The following BCAR1 variants were observed in gnomAD, a reference collection of about 807,000 sequenced individuals.
BCAR1 encodes BCAR1 scaffold protein, Cas family member.
A neutral mutation model predicts 67.6 loss-of-function variants in BCAR1; 30 were observed. The ratio of observed to expected loss-of-function variants is 0.44; its 90% CI spans 0.33 to 0.60. The LOEUF is 0.60. BCAR1 is among the 20% of genes least tolerant of loss of function. The pLI is 0.02. For missense variants in BCAR1, 1,313 were observed against 1,222.3 expected, an observed-to-expected ratio of 1.07 and a Z score of -1.11; for synonymous variants, 626 against 556.7, an observed-to-expected ratio of 1.12 and a Z score of -1.75.
rs747179179 is a variant in BCAR1, at chr16:75,235,039, G to C, written c.1860C>G (p.Thr620=). The C allele has an allele frequency of 6.2e-7, 1 of 1,613,292 alleles. No homozygotes were observed. The highest frequency in any genetic ancestry group is 1.3e-5 in the African/African-American group (1 of 75,068). Residue 620 remains threonine, a synonymous_variant, in exon 5 of 7, where the codon ACC becomes ACG. Coordinates refer to ENST00000162330, the MANE Select transcript of BCAR1 (RefSeq NM_014567.5). Reference sequence around the variant, plus strand: ...TCTTGTCAGTGGGGTTGGGGTGCAGGGTGCCACCCCCCTCAGGCCCCGGGG... The same window carrying C: ...TCTTGTCAGTGGGGTTGGGGTGCAGCGTGCCACCCCCCTCAGGCCCCGGGG... ...ATAPGPEGGG[T]LHPNPTDKTS...
In BCAR1 at chr16:75,263,960, G is replaced by A. The variant is rs1421134006; in HGVS notation, c.66+3955C>T. 3.5e-6 allele frequency: 4 copies of A among 1,139,632 alleles called. No individual in the cohort carries two copies. The South Asian group carries it at 1.3e-4, about 37-fold the overall frequency. The allele number at this position is 1,139,632 out of a possible 1,614,324, so 70.6% of individuals were successfully genotyped here. A position where few individuals can be genotyped will look rare whatever the true frequency, so the allele number is the denominator to read the frequency against. ...CCAGGAGAGAGAGCCACGGTGATCT[G>A]CCAGCCAGCCACGTAGGGGGCAGAT... On this transcript the variant is annotated intron_variant, in intron 1 of 6. Coordinates refer to the BCAR1 transcript ENST00000393422.
chr16:75,253,966 C>A (rs569117526), upstream of BCAR1, among the ~76,000 whole-genome samples: 493 of 120,884 alleles, frequency 4.1e-3, 2 homozygotes, highest in African/African-American at 0.015. Context: ...CACCGTTAGC[C>A]CCAATTTTTT....
intron 6 of BCAR1, among the ~76,000 whole-genome samples, chr16:75,232,673 T>C (rs1322874760): frequency 6.6e-6 from 1 of 152,198 alleles, no homozygotes; most frequent in African/African-American, 2.4e-5. Context: ...ATTAGGTAAT[T>C]TCTCAGCCCC....
At chr16:75,247,405 G>A (rs544340142) in intron 1 of BCAR1, 1 of 153,526 alleles carries the variant, frequency 6.5e-6, no homozygotes, top group African/African-American at 2.4e-5. Context: ...GTGTCCCCGG[G>A]GCCCGCCTGG....
rs983581971 is a variant in BCAR1 at position 75,229,407 on chromosome 16, T to G, written c.*104A>C. 1.1e-5 allele frequency: 16 copies of G among 1,401,232 alleles called. No individual in the cohort carries two copies. In the African/African-American group the frequency reaches 1.3e-4, roughly 11 times the overall value. The allele number at this position is 1,401,232 out of a possible 1,614,324, so 86.8% of individuals were successfully genotyped here. On this transcript the variant is annotated 3_prime_UTR_variant, in exon 7 of 7. Transcript: ENST00000162330. ...CAGGGCACCAGGACCGACGCAGAGC[T>G]GGGGTCCTGTCCCTAAGCCTGTGGC...
At chr16:75,230,230 C>T (rs992364300) in intron 6 of BCAR1, among the ~76,000 whole-genome samples, 1 of 152,192 alleles carries the variant, frequency 6.6e-6, no homozygotes, top group Non-Finnish European at 1.5e-5. Context: ...TACCCTTCCA[C>T]CAGTCTCAAA....
At position 75,234,977 on chromosome 16, in the gene BCAR1, G is replaced by C; in HGVS notation, c.1922C>G (p.Pro641Arg). 1 of 1,604,658 alleles carries C rather than the reference G, an allele frequency of 6.2e-7. No homozygotes were observed. Residue 641 changes from proline to arginine, a missense_variant, in exon 5 of 7, where the codon CCT becomes CGT. Coordinates refer to ENST00000162330, the MANE Select transcript of BCAR1 (RefSeq NM_014567.5). ...TGGCGAGTCCTGGGAGGTGAACTTAGGGGGTGAGGGCAGGGGTCGTGACTG... is the reference window on the plus strand; with the variant it reads ...TGGCGAGTCCTGGGAGGTGAACTTACGGGGTGAGGGCAGGGGTCGTGACTG... ...SIQSRPLPSP[P>R]KFTSQDSPDG...
At chr16:75,255,179 T>C (rs1446876099), upstream of BCAR1, among the ~76,000 whole-genome samples, 12 of 151,972 alleles carry the variant, frequency 7.9e-5, no homozygotes, top group Admixed American at 1.3e-4. Context: ...CAAACTAAAG[T>C]GAAAAGAGCA....
intron 1 of BCAR1, chr16:75,264,992 C>G (rs1042010336): frequency 2.0e-5 from 3 of 153,118 alleles, no homozygotes; most frequent in Middle Eastern, 3.4e-3. Flanking sequence ...GGCCTGGTTA[C>G]CCGGGGTAGC....
upstream of BCAR1, among the ~76,000 whole-genome samples, chr16:75,252,925 A>G (rs1264141296): frequency 1.3e-5 from 2 of 152,238 alleles, no homozygotes; most frequent in Non-Finnish European, 2.9e-5. Context: ...GTTAAAAAAC[A>G]GACTCCTGTG....
Position 75,237,973 on chromosome 16 carries a change from C to A in BCAR1, c.634-629G>T, listed in dbSNP as rs896465841. On this transcript the variant is annotated intron_variant, in intron 2 of 6. Transcript: ENST00000162330. ...AGCTGGGACCAAGGCCCCCTCCCTG[C>A]CGCGCCTGCCCCGGGGGAGCTGCCT... is the stretch of plus-strand genomic sequence containing the variant. The A allele has an allele frequency of 3.5e-5, 42 of 1,212,900 alleles. No individual in the cohort carries two copies. The East Asian group carries it at 2.4e-3, about 69-fold the overall frequency. The allele number at this position is 1,212,900 out of a possible 1,614,324, so 75.1% of individuals were successfully genotyped here.
At chr16:75,257,476 A>G (rs976644566) in intron 1 of BCAR1, among the ~76,000 whole-genome samples, 3 of 151,824 alleles carry the variant, frequency 2.0e-5, no homozygotes, top group African/African-American at 7.3e-5. Context: ...TTCTTTTTTT[A>G]AAGACAAGGT....
At chr16:75,260,645 A>C (rs549768084) in intron 1 of BCAR1, among the ~76,000 whole-genome samples, 33 of 152,284 alleles carry the variant, frequency 2.2e-4, no homozygotes, top group African/African-American at 7.9e-4. Flanking sequence ...AAAAAAAAAA[A>C]AAAAACCTCA....
At chr16:75,259,861 A>AT (rs1275176540) in intron 1 of BCAR1, among the ~76,000 whole-genome samples, 1 of 146,498 alleles carries the variant, frequency 6.8e-6, no homozygotes, top group African/African-American at 2.6e-5. Context: ...AAAAAAAAAA[A>AT]AAAAAAAAAA....
At position 75,229,399 on chromosome 16, in the gene BCAR1, C is replaced by A. The variant is rs918316135; in HGVS notation, c.*112G>T. The A allele has an allele frequency of 3.6e-6, 5 of 1,384,000 alleles. No homozygotes were observed. In the African/African-American group the frequency reaches 7.3e-5, roughly 20 times the overall value. The allele number at this position is 1,384,000 out of a possible 1,614,324, so 85.7% of individuals were successfully genotyped here. A position where few individuals can be genotyped will look rare whatever the true frequency, so the allele number is the denominator to read the frequency against. ...TGGGCATCCAGGGCACCAGGACCGACGCAGAGCTGGGGTCCTGTCCCTAAG... is the reference window on the plus strand; with the variant it reads ...TGGGCATCCAGGGCACCAGGACCGAAGCAGAGCTGGGGTCCTGTCCCTAAG... On this transcript the variant is annotated 3_prime_UTR_variant, in exon 7 of 7. Transcript: ENST00000162330.
intron 6 of BCAR1, among the ~76,000 whole-genome samples, chr16:75,230,753 G>C (rs905345031): frequency 6.6e-6 from 1 of 152,206 alleles, no homozygotes; most frequent in Non-Finnish European, 1.5e-5. Flanking sequence ...AAGCCACAAT[G>C]AGCAAAACCA....
In BCAR1 at chr16:75,237,391, A is replaced by G. The variant is rs545185507; in HGVS notation, c.634-47T>C. 5.7e-6 allele frequency: 8 copies of G among 1,415,512 alleles called. No individual in the cohort carries two copies. In the South Asian group the frequency reaches 1.1e-4, roughly 20 times the overall value. The allele number at this position is 1,415,512 out of a possible 1,614,324, so 87.7% of individuals were successfully genotyped here. A position where few individuals can be genotyped will look rare whatever the true frequency, so the allele number is the denominator to read the frequency against. ...CACTGCTGCCCTCAAACCAGCCCTTAGGGAGGCTCCACTCACACCTGGGAG... is the reference window on the plus strand; with the variant it reads ...CACTGCTGCCCTCAAACCAGCCCTTGGGGAGGCTCCACTCACACCTGGGAG... On this transcript the variant is annotated intron_variant, in intron 2 of 6. Coordinates refer to ENST00000162330, the MANE Select transcript of BCAR1 (RefSeq NM_014567.5).
chr16:75,263,944 A>C, intron 1 of BCAR1: 1 of 1,112,930 alleles, frequency 9.0e-7, no homozygotes, highest in African/African-American at 1.6e-5. Flanking sequence ...CCCAGGAGAG[A>C]GAGCCACGGT....
Position 75,229,505 on chromosome 16 carries a change from C to T in BCAR1, c.*6G>A. ...CTCCCCTGCCTCCCTCCTGGGGTCA[C>T]CACCCTCAGGCGGCTGCCAGCTGGC... On this transcript the variant is annotated 3_prime_UTR_variant, in exon 7 of 7. Transcript: ENST00000162330. 4 of 1,553,768 alleles carry T rather than the reference C, an allele frequency of 2.6e-6. No homozygotes were observed. The highest frequency in any genetic ancestry group is 3.5e-6 in the Non-Finnish European group (4 of 1,150,412).
Sources: allele counts gnomAD v4.1 joint callset (sites outside exome capture counted in the v4.1 genomes callset), GRCh38; gene constraint gnomAD v4.1.1; transcripts MANE v1.5; gene names NCBI Gene and HGNC (gene_info 2026-07-23, HGNC 2026-07-21).